HNRNPH3: variants seen among roughly 807,000 people sequenced by gnomAD.
HNRNPH3 encodes the protein heterogeneous nuclear ribonucleoprotein H3.
In HNRNPH3, 7 loss-of-function variants were observed where a neutral mutation model predicts 47.0. The ratio of observed to expected loss-of-function variants is 0.15; its 90% CI spans 0.08 to 0.28. The LOEUF is 0.28. Among genes scored for constraint, HNRNPH3 ranks in the 10% least tolerant of loss-of-function variants. The probability of loss-of-function intolerance (pLI) is 1.00; values close to 1 mark genes in which losing one functional copy is unlikely to be tolerated. For missense variants in HNRNPH3, 279 were observed against 449.6 expected (o/e 0.62, Z 3.43); for synonymous variants, 120 against 143.2 (o/e 0.84, Z 1.16).
chr10:68,336,145 A>G (rs2045533837), intron 1 of HNRNPH3, among the ~76,000 whole-genome samples: 1 of 151,606 alleles, frequency 6.6e-6, no homozygotes, highest in Admixed American at 6.6e-5. Context: ...ATCTTCAAAC[A>G]TAAAGGAATC....
At chr10:68,333,208 G>A (rs1205377132) in intron 1 of HNRNPH3, among the ~76,000 whole-genome samples, 6 of 138,764 alleles carry the variant, frequency 4.3e-5, no homozygotes, top group Admixed American at 3.0e-4. Context: ...TATCAAATAG[G>A]AATGTGAAAT....
At chr10:68,336,788 T>C (rs1388950257) in intron 1 of HNRNPH3, 1 of 156,356 alleles carries the variant, frequency 6.4e-6, no homozygotes, top group East Asian at 1.9e-4. Context: ...ACTGGTATTA[T>C]ATGCAACTTC....
At chr10:68,335,909 G>A (rs2045523473) in intron 1 of HNRNPH3, among the ~76,000 whole-genome samples, 1 of 152,178 alleles carries the variant, frequency 6.6e-6, no homozygotes, top group African/African-American at 2.4e-5. Flanking sequence ...TTAAAAGTTT[G>A]TATTCCCATT....
rs189341799 is a variant in HNRNPH3 at position 68,332,402 on chromosome 10, A to G, written c.-24+186A>G. On this transcript the variant is annotated intron_variant, in intron 1 of 9. Transcript: ENST00000265866. ...CCACTTCAGGGAGGGCGGCTTGCCG[A>G]TGGGAGGACTTGCTCAGGTGGAATT... Among the ~76,000 whole-genome samples the G allele has an allele frequency of 2.7e-3, 406 of 152,110 alleles. 1 individual carries two copies. Among genetic ancestry groups the G allele is most frequent in the African/African-American group, 9.4e-3 (389 of 41,494 alleles).
chr10:68,336,557 C>T (rs1321688503), intron 1 of HNRNPH3, among the ~76,000 whole-genome samples: 2 of 152,122 alleles, frequency 1.3e-5, no homozygotes, highest in Non-Finnish European at 2.9e-5. Flanking sequence ...TGGCCTTTGA[C>T]CTCAGTTTTA....
At position 68,338,649 on chromosome 10, in the gene HNRNPH3, A is replaced by T; in HGVS notation, c.398A>T (p.Tyr133Phe). ...TATGGAGCTGGGCGTGGAAGTATGT[A>T]TGACAGAATGCGACGAGGAGGTGAT... ...GYYGAGRGSM[Y>F]DRMRRGGDGY... Residue 133 changes from tyrosine (Y) to phenylalanine (F), a missense_variant, in exon 4 of 10, where the codon TAT becomes TTT. Transcript: ENST00000265866. 1.2e-6 allele frequency: 2 copies of T among 1,606,372 alleles called. No individual in the cohort carries two copies. Among genetic ancestry groups the T allele is most frequent in the East Asian group, 4.5e-5 (2 of 44,632 alleles).
chr10:68,334,914 G>A (rs2045460926), intron 1 of HNRNPH3, among the ~76,000 whole-genome samples: 1 of 152,092 alleles, frequency 6.6e-6, no homozygotes, highest in East Asian at 1.9e-4. Flanking sequence ...TGCCCTTAGA[G>A]TTTTTCTTGT....
intron 3 of HNRNPH3, chr10:68,338,201 CTG>C (rs1332227409): frequency 2.1e-6 from 1 of 473,458 alleles, no homozygotes; most frequent in Non-Finnish European, 3.7e-6. Context: ...TTCCATTTCT[CTG>C]TAGGATGTTG....
rs1283189914 is a variant in HNRNPH3 at position 68,337,918 on chromosome 10, G to A, written c.173G>A (p.Gly58Glu). Residue 58 changes from glycine (G) to glutamate (E), a missense_variant, in exon 3 of 10, where the codon GGG becomes GAG. Around this residue, in one of 2 missense-constraint regions of HNRNPH3, gnomAD observed 40 missense variants for 113.8 expected, o/e 0.35. Transcript: ENST00000265866. This position sits in a 1 kb window ranked among gnomAD's most constrained non-coding sequence, Gnocchi z 4.5. ...ATGGACTACCAGGGGAGAAGCACAG[G>A]GGAGGCCTTCGTGCAGTTTGCTTCA... Reference protein sequence around the residue: ...LTMDYQGRSTGEAFVQFASKE... With the variant: ...LTMDYQGRSTEEAFVQFASKE... 1 of 1,613,444 alleles carries A rather than the reference G, an allele frequency of 6.2e-7. No homozygotes were observed. Among genetic ancestry groups the A allele is most frequent in the Admixed American group, 1.7e-5 (1 of 60,020 alleles).
chr10:68,338,156 A>G (rs2045631732), intron 3 of HNRNPH3, 160 bp downstream of exon 3: 2 of 523,180 alleles, frequency 3.8e-6, no homozygotes, highest in Non-Finnish European at 6.8e-6. Flanking sequence ...TTGGGTGGGG[A>G]ATTAATGCTA....
At chr10:68,334,134 C>T (rs1056300018) in intron 1 of HNRNPH3, among the ~76,000 whole-genome samples, 2 of 152,162 alleles carry the variant, frequency 1.3e-5, no homozygotes, top group Non-Finnish European at 2.9e-5. Flanking sequence ...TTTTAGAGAC[C>T]TTACCTCCTT....
Position 68,337,240 on chromosome 10 carries a change from CATA to C in HNRNPH3, c.22_24del (p.Asn8del). 1 of 1,609,260 alleles carries C rather than the reference CATA, an allele frequency of 6.2e-7. No homozygotes were observed. The highest frequency in any genetic ancestry group is 8.5e-7 in the Non-Finnish European group (1 of 1,175,746). Reference sequence around the variant, plus strand: ...TATTGAGATGGATTGGGTTATGAAACATAATGGTCCAAATGACGCTAGTGATGG... The same window carrying C: ...TATTGAGATGGATTGGGTTATGAAACATGGTCCAAATGACGCTAGTGATGG... On this transcript the variant is annotated inframe_deletion, in exon 2 of 10. Coordinates refer to ENST00000265866, the MANE Select transcript of HNRNPH3 (RefSeq NM_012207.3). This position sits in a 1 kb window ranked among gnomAD's most constrained non-coding sequence, Gnocchi z 4.5.
At chr10:68,338,062 T>A in intron 3 of HNRNPH3, 66 bp downstream of exon 3, 2 of 1,208,622 alleles carry the variant, frequency 1.7e-6, no homozygotes, top group Non-Finnish European at 1.2e-6. Flanking sequence ...CACTATTGCT[T>A]AAATGGGGGG....
At chr10:68,336,887 G>A (rs955601363) in intron 1 of HNRNPH3, 3 of 212,526 alleles carry the variant, frequency 1.4e-5, no homozygotes, top group African/African-American at 6.8e-5. Flanking sequence ...AAAGGCTAGA[G>A]TTGGCATTCA....
At chr10:68,334,334 C>T (rs970780346) in intron 1 of HNRNPH3, among the ~76,000 whole-genome samples, 1 of 152,218 alleles carries the variant, frequency 6.6e-6, no homozygotes, top group Non-Finnish European at 1.5e-5. Flanking sequence ...TTATGTATTA[C>T]TTCAGAAGAT....
At chr10:68,333,563 A>G (rs898454782) in intron 1 of HNRNPH3, among the ~76,000 whole-genome samples, 26 of 152,164 alleles carry the variant, frequency 1.7e-4, no homozygotes, top group Non-Finnish European at 1.5e-5. Context: ...GTGTAGGAGT[A>G]TAGTACACTG....
rs1443680599 is a variant in HNRNPH3, at chr10:68,338,600, C to G, written c.349C>G (p.Pro117Ala). The change falls in exon 4 of 10, where the codon CCA becomes GCA. Residue 117 changes from proline to alanine, a missense_variant. Coordinates refer to ENST00000265866, the MANE Select transcript of HNRNPH3 (RefSeq NM_012207.3). ...LGQRPGPYDR[P>A]IGGRGGYYGA... is the part of the protein sequence containing the mutation. ...ACAGCGACCGGGACCATATGATAGACCAATAGGAGGAAGAGGGGGTTATTA... is the reference window on the plus strand; with the variant it reads ...ACAGCGACCGGGACCATATGATAGAGCAATAGGAGGAAGAGGGGGTTATTA... The G allele has an allele frequency of 6.2e-7, 1 of 1,611,494 alleles. No individual in the cohort carries two copies. Among genetic ancestry groups the G allele is most frequent in the South Asian group, 1.1e-5 (1 of 90,806 alleles).
chr10:68,342,203 A>G lies in HNRNPH3; in HGVS notation c.*149A>G. 3.5e-6 allele frequency: 2 copies of G among 564,004 alleles called. No individual in the cohort carries two copies. The highest frequency in any genetic ancestry group is 6.1e-6 in the Non-Finnish European group (2 of 326,276). 34.9% of individuals were successfully genotyped at this position (564,004 alleles called of 1,614,324 possible). Reference sequence around the variant, plus strand: ...TTATTTGGTAAAGCAACAGATTGTGATGGGAAAATGTTTTCTGTAGGTTTA... The same window carrying G: ...TTATTTGGTAAAGCAACAGATTGTGGTGGGAAAATGTTTTCTGTAGGTTTA... On this transcript the variant is annotated 3_prime_UTR_variant, in exon 10 of 10. Coordinates refer to ENST00000265866, the MANE Select transcript of HNRNPH3 (RefSeq NM_012207.3).
At chr10:68,341,538 A>G in intron 7 of HNRNPH3, 47 bp from the exon 8 acceptor site, 1 of 1,296,244 alleles carries the variant, frequency 7.7e-7, no homozygotes, top group Non-Finnish European at 1.1e-6. Context: ...GATGAATTTT[A>G]TCCATCATTC....
Sources: gnomAD v4.1 joint callset for allele counts (sites outside exome capture counted in the v4.1 genomes callset) on GRCh38, gnomAD v4.1.1 for gene constraint, gnomAD v4.1.1 regional missense constraint, Gnocchi (gnomAD v3.1) non-coding constraint, MANE v1.5 for transcripts, NCBI Gene and HGNC (gene_info 2026-07-23, HGNC 2026-07-21) for gene names.